DPH6: variants seen among roughly 807,000 people sequenced by gnomAD.
DPH6 encodes the protein diphthamine biosynthesis 6, also known as diphthine--ammonia ligase.
A neutral mutation model predicts 38.2 loss-of-function variants in DPH6; 33 were observed. That is an observed-to-expected ratio of 0.86 (90% CI 0.65 to 1.15). The LOEUF is 1.15. Among genes scored for constraint, DPH6 ranks in the 50% most tolerant of loss-of-function variants. DPH6 has a pLI of 0.00. For synonymous variants in DPH6, 108 were observed against 103.0 expected, an observed-to-expected ratio of 1.05 and a Z score of -0.30; for missense variants, 325 against 320.0, an observed-to-expected ratio of 1.02 and a Z score of -0.12.
chr15:35,381,615 G>C (rs980745009), intron 7 of DPH6, among the ~76,000 whole-genome samples: 3 of 152,128 alleles, frequency 2.0e-5, no homozygotes, highest in African/African-American at 7.2e-5. Context: ...TGTCTAAAAA[G>C]TTTATAGCCT....
chr15:35,451,359 G>A (rs539404562), intron 4 of DPH6, among the ~76,000 whole-genome samples: 7 of 152,118 alleles, frequency 4.6e-5, no homozygotes, highest in Non-Finnish European at 8.8e-5. Flanking sequence ...GTTTTGGAGT[G>A]AAGACACATC....
intron 3 of DPH6, among the ~76,000 whole-genome samples, chr15:35,258,208 A>C (rs1878219442): frequency 6.6e-6 from 1 of 152,210 alleles, no homozygotes; most frequent in African/African-American, 2.4e-5. Flanking sequence ...CTCGGGCAAA[A>C]GACCACTAAT....
intron 3 of DPH6, among the ~76,000 whole-genome samples, chr15:35,304,146 C>T (rs2052072417): frequency 6.6e-6 from 1 of 152,072 alleles, no homozygotes; most frequent in African/African-American, 2.4e-5. Context: ...ATCTAACAAA[C>T]TGAATAATAT....
intron 3 of DPH6, among the ~76,000 whole-genome samples, chr15:35,246,194 A>G (rs1435603303): frequency 1.3e-5 from 2 of 152,156 alleles, no homozygotes; most frequent in Admixed American, 6.5e-5. Context: ...CACCCAGGTG[A>G]TTAAAAAGCT....
chr15:35,220,606 A>C (rs1428923807), intron 3 of DPH6: 1 of 152,184 alleles, frequency 6.6e-6, no homozygotes, highest in African/African-American at 2.4e-5. Context: ...AAGAGGCAGG[A>C]GACAGGAGTG....
At chr15:35,532,088 A>C (rs891419382) in intron 3 of DPH6, among the ~76,000 whole-genome samples, 1 of 152,146 alleles carries the variant, frequency 6.6e-6, no homozygotes. Flanking sequence ...GCATAAAGAA[A>C]AGCACAGCCG....
chr15:35,332,439 C>T (rs998324773), intron 3 of DPH6, among the ~76,000 whole-genome samples: 1 of 152,106 alleles, frequency 6.6e-6, no homozygotes, highest in African/African-American at 2.4e-5. Flanking sequence ...CAGTTTTATT[C>T]CTTTTTATCT....
intron 3 of DPH6, among the ~76,000 whole-genome samples, chr15:35,359,859 T>C (rs1321048270): frequency 6.6e-6 from 1 of 152,198 alleles, no homozygotes; most frequent in African/African-American, 2.4e-5. Flanking sequence ...GGTTGTTTTT[T>C]TAAGGTTTCT....
the DPH6 span, among the ~76,000 whole-genome samples, chr15:35,149,013 C>G: frequency 1.1e-4 from 17 of 152,180 alleles, no homozygotes; most frequent in South Asian, 3.1e-3. Context: ...GCTTTTGCCC[C>G]CTCCTGAATC....
intron 3 of DPH6, among the ~76,000 whole-genome samples, chr15:35,513,655 T>C (rs2054806333): frequency 6.6e-6 from 1 of 151,962 alleles, no homozygotes; most frequent in Non-Finnish European, 1.5e-5. Context: ...ATCTTAACTA[T>C]AAGGAAAGAA....
intron 3 of DPH6, among the ~76,000 whole-genome samples, chr15:35,333,035 T>G (rs2052339310): frequency 6.6e-6 from 1 of 151,072 alleles, no homozygotes. Context: ...TGTGTGAGGA[T>G]GTCAAATAAG....
intron 3 of DPH6, among the ~76,000 whole-genome samples, chr15:35,315,036 G>A (rs890550681): frequency 4.6e-5 from 7 of 152,142 alleles, no homozygotes; most frequent in African/African-American, 7.2e-5. Context: ...CATCTGAGAC[G>A]TATGCTCAGC....
chr15:35,407,344 T>C (rs1416994855), intron 6 of DPH6, among the ~76,000 whole-genome samples: 1 of 151,936 alleles, frequency 6.6e-6, no homozygotes, highest in East Asian at 1.9e-4. Flanking sequence ...AAGTACCTTG[T>C]TTGTTTAACT....
chr15:35,245,238 T>C (rs996419497), intron 3 of DPH6, among the ~76,000 whole-genome samples: 1 of 128,262 alleles, frequency 7.8e-6, no homozygotes, highest in African/African-American at 3.4e-5. Context: ...CTTGCTTTTT[T>C]TTTTTTTTTT....
At chr15:35,441,206 TTGG>T (rs2053783509) in intron 5 of DPH6, among the ~76,000 whole-genome samples, 2 of 152,144 alleles carry the variant, frequency 1.3e-5, no homozygotes, top group Non-Finnish European at 2.9e-5. Flanking sequence ...TTTTACACTG[TTGG>T]TGGGAGTGTA....
chr15:35,535,529 C>T lies in DPH6; in HGVS notation c.312+2745G>A, dbSNP rs569118273. Among the ~76,000 whole-genome samples the T allele has an allele frequency of 1.4e-4, 21 of 152,176 alleles. 1 individual carries two copies. Among genetic ancestry groups the T allele is most frequent in the South Asian group, 4.2e-4 (2 of 4,816 alleles). On this transcript the variant is annotated intron_variant, in intron 3 of 8. Transcript: ENST00000256538. ...AAGAATATAATCCCTACATATATTT[C>T]CTATAGAGATATAGTGCTTATATGT... is the stretch of plus-strand genomic sequence containing the variant.
intron 3 of DPH6, among the ~76,000 whole-genome samples, chr15:35,473,573 A>T (rs2054223210): frequency 6.6e-6 from 1 of 152,164 alleles, no homozygotes; most frequent in Admixed American, 6.5e-5. Context: ...AGAAAGGTAT[A>T]TATATTGGTA....
At chr15:35,544,777 G>T (rs2055319343) in intron 1 of DPH6, among the ~76,000 whole-genome samples, 1 of 152,122 alleles carries the variant, frequency 6.6e-6, no homozygotes, top group Non-Finnish European at 1.5e-5. Context: ...GTTATTTAGT[G>T]TAACTGACTC....
intron 8 of DPH6, among the ~76,000 whole-genome samples, chr15:35,372,604 T>A (rs1313765186): frequency 6.6e-6 from 1 of 151,928 alleles, no homozygotes; most frequent in Non-Finnish European, 1.5e-5. Context: ...CCAATAGTCA[T>A]CATCCAGCCC....
Sources: gnomAD v4.1 joint callset for allele counts (sites outside exome capture counted in the v4.1 genomes callset) on GRCh38, gnomAD v4.1.1 for gene constraint, MANE v1.5 for transcripts, NCBI Gene and HGNC (gene_info 2026-07-23, HGNC 2026-07-21) for gene names.